ZBTB43: variants seen among roughly 807,000 people sequenced by gnomAD.
ZBTB43 encodes the protein zinc finger and BTB domain-containing protein 43.
ZBTB43 carries 6 observed loss-of-function variants against 31.1 expected under a neutral mutation model. The ratio of observed to expected loss-of-function variants is 0.19; its 90% CI spans 0.11 to 0.38. ZBTB43 has a LOEUF of 0.38. Ranked by LOEUF, ZBTB43 falls within the 10% of genes least tolerant of loss-of-function variation. The probability of loss-of-function intolerance (pLI) is 1.00; values close to 1 mark genes in which losing one functional copy is unlikely to be tolerated. For synonymous variants in ZBTB43, 212 were observed against 221.7 expected, an observed-to-expected ratio of 0.96 and a Z score of 0.39; for missense variants, 379 against 602.1, an observed-to-expected ratio of 0.63 and a Z score of 3.88.
At chr9:126,827,337 C>T (rs1024738238) in intron 2 of ZBTB43, among the ~76,000 whole-genome samples, 43 of 152,190 alleles carry the variant, frequency 2.8e-4, no homozygotes, top group African/African-American at 9.7e-4. Context: ...GCCAGACTGG[C>T]CAAAACGCAC....
chr9:126,818,391 G>C (rs2032440288), intron 2 of ZBTB43, among the ~76,000 whole-genome samples: 2 of 152,004 alleles, frequency 1.3e-5, no homozygotes, highest in African/African-American at 4.8e-5. Context: ...AAGTAGCTGG[G>C]ATTGCAGATG....
At chr9:126,806,782 C>T (rs977753888) in intron 1 of ZBTB43, among the ~76,000 whole-genome samples, 5 of 152,170 alleles carry the variant, frequency 3.3e-5, no homozygotes, top group African/African-American at 4.8e-5. Flanking sequence ...TTCCTACTCT[C>T]TTTACAGCAG....
intron 2 of ZBTB43, among the ~76,000 whole-genome samples, chr9:126,815,559 A>T (rs2032365143): frequency 6.7e-6 from 1 of 150,076 alleles, no homozygotes; most frequent in Non-Finnish European, 1.5e-5. Flanking sequence ...TTTCAAGCTC[A>T]CTAATGTTCT....
chr9:126,812,245 A>G (rs151175273), intron 2 of ZBTB43, among the ~76,000 whole-genome samples: 1 of 152,066 alleles, frequency 6.6e-6, no homozygotes, highest in East Asian at 1.9e-4. Context: ...ATCTATCAGT[A>G]TTTCGTTCTT....
At chr9:126,829,280 C>T (rs938824576) in intron 2 of ZBTB43, among the ~76,000 whole-genome samples, 1 of 152,196 alleles carries the variant, frequency 6.6e-6, no homozygotes, top group African/African-American at 2.4e-5. Context: ...AGCCCCTTAA[C>T]CCAGCAGTTC....
chr9:126,833,123 G>T lies in ZBTB43; in HGVS notation c.614G>T (p.Arg205Leu), dbSNP rs146199686. The T allele has an allele frequency of 1.9e-6, 3 of 1,613,882 alleles. No individual in the cohort carries two copies. Among genetic ancestry groups the T allele is most frequent in the East Asian group, 2.2e-5 (1 of 44,894 alleles). ...AGCAACTCGTCCACAGAGCATGACC[G>T]CCTGAGCACGGAAATGGCAAGCCAG... ...LPSNSSTEHDRLSTEMASQDG... is the reference protein window; with the variant it reads ...LPSNSSTEHDLLSTEMASQDG... The change falls in exon 3 of 3, where the codon CGC becomes CTC. Residue 205 changes from arginine to leucine, a missense_variant. Around this residue, in one of 5 missense-constraint regions of ZBTB43, gnomAD observed 253 missense variants for 322.3 expected, o/e 0.79. Coordinates refer to ENST00000373464, the MANE Select transcript of ZBTB43 (RefSeq NM_014007.4). The surrounding 1 kb of genome is among the most constrained non-coding windows in gnomAD (Gnocchi z 7.9).
In ZBTB43 at chr9:126,828,637, A is replaced by AT. The variant is rs1463428930; in HGVS notation, c.-23-3849dup. Among the ~76,000 whole-genome samples the AT allele has an allele frequency of 4.0e-3, 539 of 133,298 alleles. 5 individuals are homozygous for AT. The highest frequency in any genetic ancestry group is 0.014 in the African/African-American group (496 of 35,832). The allele number at this position is 133,298 out of a possible 152,430, so 87.4% of individuals were successfully genotyped here. ...GTGAGACCCCCATCTCTAAATAATA[A>AT]TAATAATAATAATAATAATTATTAT... On this transcript the variant is annotated intron_variant, in intron 2 of 2. Coordinates refer to ENST00000373464, the MANE Select transcript of ZBTB43 (RefSeq NM_014007.4).
At chr9:126,807,107 GTT>G in intron 1 of ZBTB43, among the ~76,000 whole-genome samples, 1 of 152,208 alleles carries the variant, frequency 6.6e-6, no homozygotes, top group East Asian at 1.9e-4. Context: ...CTTTAAGGTA[GTT>G]TATCAAGCTT....
rs2032182673 is a variant in ZBTB43, at chr9:126,808,812, T to C, written c.-127T>C. On this transcript the variant is annotated 5_prime_UTR_variant, in exon 2 of 3. Transcript: ENST00000373464. ...TTCCAGAAGTCAATGTGATTTTAATTTGAAGCAAAACTGAAATGGGTTCTT... is the reference window on the plus strand; with the variant it reads ...TTCCAGAAGTCAATGTGATTTTAATCTGAAGCAAAACTGAAATGGGTTCTT... 1 of 152,204 alleles carries C rather than the reference T, an allele frequency of 6.6e-6. No individual in the cohort carries two copies. Among genetic ancestry groups the C allele is most frequent in the South Asian group, 2.1e-4 (1 of 4,832 alleles). The allele number at this position is 152,204 out of a possible 1,614,324, so 9.4% of individuals were successfully genotyped here.
intron 1 of ZBTB43, among the ~76,000 whole-genome samples, chr9:126,806,543 G>T (rs923971572): frequency 1.3e-5 from 2 of 152,132 alleles, no homozygotes; most frequent in African/African-American, 4.8e-5. Context: ...ATAAGGTCTG[G>T]AAATGGGTTG....
chr9:126,828,179 T>C (rs1588365632), intron 2 of ZBTB43, among the ~76,000 whole-genome samples: 1 of 152,036 alleles, frequency 6.6e-6, no homozygotes, highest in South Asian at 2.1e-4. Flanking sequence ...TTAAAGGTTT[T>C]ATTATTTATT....
At chr9:126,815,091 T>C (rs2032345737) in intron 2 of ZBTB43, among the ~76,000 whole-genome samples, 1 of 151,730 alleles carries the variant, frequency 6.6e-6, no homozygotes, top group African/African-American at 2.4e-5. Context: ...TTGAGCTGCT[T>C]AGGTCTGTGA....
At position 126,833,616 on chromosome 9, in the gene ZBTB43, T is replaced by C. The variant is rs3118994; in HGVS notation, c.1107T>C (p.Thr369=). 1,260,555 of 1,613,850 alleles carry C rather than the reference T, an allele frequency of 0.78. 494,592 individuals carry two copies. Among genetic ancestry groups the C allele is most frequent in the East Asian group, 0.97 (43,673 of 44,870 alleles). Residue 369 remains threonine, a synonymous_variant, in exon 3 of 3, where the codon ACT becomes ACC. Transcript: ENST00000373464. The surrounding 1 kb of genome is among the most constrained non-coding windows in gnomAD (Gnocchi z 7.9). ...EEASHLGFSA[T]DKLYPCQCGK... is the part of the protein sequence containing the mutation. ...CTTCCCACTTAGGATTCTCAGCCAC[T>C]GACAAGCTGTATCCTTGTCAGTGTG... is the stretch of plus-strand genomic sequence containing the variant.
Position 126,835,119 on chromosome 9 carries a change from A to G in ZBTB43, c.*1206A>G, listed in dbSNP as rs189190582. On this transcript the variant is annotated 3_prime_UTR_variant, in exon 3 of 3. Coordinates refer to ENST00000373464, the MANE Select transcript of ZBTB43 (RefSeq NM_014007.4). ...TTTATGAGCACTGGAATGTGTTTGT[A>G]AAAGGAGTCCTAAGTTTAGCAAGGT... is the stretch of plus-strand genomic sequence containing the variant. 25 of 167,174 alleles carry G rather than the reference A, an allele frequency of 1.5e-4. No individual in the cohort carries two copies. The highest frequency in any genetic ancestry group is 6.0e-4 in the African/African-American group (25 of 41,576). 10.4% of individuals were successfully genotyped at this position (167,174 alleles called of 1,614,324 possible).
At chr9:126,819,808 T>C (rs778222141) in intron 2 of ZBTB43, among the ~76,000 whole-genome samples, 6 of 152,166 alleles carry the variant, frequency 3.9e-5, no homozygotes, top group Non-Finnish European at 8.8e-5. Context: ...AAATTGTGAA[T>C]GCAAAGGAAA....
intron 2 of ZBTB43, among the ~76,000 whole-genome samples, chr9:126,811,761 G>A (rs1032450301): frequency 6.6e-6 from 1 of 152,098 alleles, no homozygotes; most frequent in Non-Finnish European, 1.5e-5. Flanking sequence ...GAGTAGCTGG[G>A]ACTACAGGCA....
chr9:126,821,627 T>C (rs184517288), intron 2 of ZBTB43, among the ~76,000 whole-genome samples: 48 of 152,354 alleles, frequency 3.2e-4, no homozygotes, highest in South Asian at 2.9e-3. Context: ...ACTGAATTAT[T>C]GCAAAGGCAT....
chr9:126,812,556 T>C (rs1224442271), intron 2 of ZBTB43, among the ~76,000 whole-genome samples: 1 of 152,194 alleles, frequency 6.6e-6, no homozygotes, highest in African/African-American at 2.4e-5. Context: ...TTATAATACC[T>C]ACACATCCTC....
intron 2 of ZBTB43, among the ~76,000 whole-genome samples, chr9:126,817,507 G>A (rs911433641): frequency 3.0e-5 from 4 of 131,536 alleles, no homozygotes; most frequent in African/African-American, 5.7e-5. Context: ...ACGGAGTCTC[G>A]CTCTGTCACC....
Sources: allele counts gnomAD v4.1 joint callset (sites outside exome capture counted in the v4.1 genomes callset), GRCh38; gene constraint gnomAD v4.1.1; regional missense constraint gnomAD v4.1.1; non-coding constraint Gnocchi (gnomAD v3.1); transcripts MANE v1.5; gene names NCBI Gene and HGNC (gene_info 2026-07-23, HGNC 2026-07-21).